Variants in PGR observed in about 807,000 individuals in gnomAD.
The protein encoded by PGR is nuclear receptor subfamily 3 group C member 3.
Under a neutral mutation model 76.1 loss-of-function variants are expected in PGR, and 25 were observed. The ratio of observed to expected loss-of-function variants is 0.33; its 90% CI spans 0.24 to 0.46. The LOEUF is 0.46. Ranked by LOEUF, PGR falls within the 20% of genes least tolerant of loss-of-function variation. PGR has a pLI of 1.00. For synonymous variants in PGR, 579 were observed against 535.0 expected (o/e 1.08, Z -1.14); for missense variants, 1,172 against 1,225.3 (o/e 0.96, Z 0.65).
At chr11:101,064,351 A>C (rs942704447) in intron 3 of PGR, among the ~76,000 whole-genome samples, 36 of 144,640 alleles carry the variant, frequency 2.5e-4, no homozygotes, top group East Asian at 1.6e-3. Flanking sequence ...AAAAAAAAAA[A>C]AAAAAAAAAA....
chr11:101,106,282 G>A (rs539409200), intron 2 of PGR, among the ~76,000 whole-genome samples: 11 of 152,240 alleles, frequency 7.2e-5, no homozygotes, highest in Non-Finnish European at 1.5e-4. Flanking sequence ...TCATCAGAGG[G>A]AACAGGCAAC....
intron 2 of PGR, among the ~76,000 whole-genome samples, chr11:101,104,947 A>G (rs1371112919): frequency 6.6e-6 from 1 of 152,134 alleles, no homozygotes; most frequent in Admixed American, 6.6e-5. Context: ...AAAGTTTGTT[A>G]TGTTTCAGGA....
In PGR at chr11:101,059,377, T is replaced by TA. The variant is rs921452683; in HGVS notation, c.2212+3069dup. 7.9e-5 allele frequency among the ~76,000 whole-genome samples: 12 copies of TA among 152,144 alleles called. No homozygotes were observed. In the East Asian group the frequency reaches 2.3e-3, roughly 29 times the overall value. On this transcript the variant is annotated intron_variant, in intron 4 of 7. Coordinates refer to ENST00000325455, the MANE Select transcript of PGR (RefSeq NM_000926.4). ...AATAGAGGGAATATGTCTTGTTCAT[T>TA]AAAAAAATTCAAATATCGTGTTGCT...
Position 101,032,558 on chromosome 11 carries a change from G to C in PGR, c.*6558C>G, listed in dbSNP as rs1859384790. 4.3e-6 allele frequency: 1 copy of C among 231,498 alleles called. No homozygotes were observed. The highest frequency in any genetic ancestry group is 8.5e-6 in the Non-Finnish European group (1 of 117,050). 14.3% of individuals were successfully genotyped at this position (231,498 alleles called of 1,614,324 possible). A position where few individuals can be genotyped will look rare whatever the true frequency, so the allele number is the denominator to read the frequency against. Reference sequence around the variant, plus strand: ...TTGTTTGGGATACTCTTCTCTCTTTGGAATCCCTCCTGTTTGGAATACTCT... The same window carrying C: ...TTGTTTGGGATACTCTTCTCTCTTTCGAATCCCTCCTGTTTGGAATACTCT... On this transcript the variant is annotated 3_prime_UTR_variant, in exon 8 of 8. Transcript: ENST00000325455.
rs1358798575 is a variant in PGR, at chr11:101,096,520, C to T, written c.1790-4644G>A. ...ATTGCCTCTGAACCATAATGCATGG[C>T]CAGGACTCAGAGCCACCAAGAATGC... On this transcript the variant is annotated intron_variant, in intron 2 of 7. Transcript: ENST00000325455. Among the ~76,000 whole-genome samples, 3 of 152,126 alleles carry T rather than the reference C, an allele frequency of 2.0e-5. No homozygotes were observed. In the East Asian group the frequency reaches 5.8e-4, roughly 29 times the overall value.
chr11:101,111,900 T>C (rs959061078), intron 2 of PGR, among the ~76,000 whole-genome samples: 20 of 152,082 alleles, frequency 1.3e-4, no homozygotes, highest in South Asian at 2.1e-4. Context: ...GAGGACCAAA[T>C]ACTCAGAATA....
intron 6 of PGR, among the ~76,000 whole-genome samples, chr11:101,045,448 C>G (rs1396270672): frequency 1.3e-5 from 2 of 152,024 alleles, no homozygotes; most frequent in South Asian, 2.1e-4. Flanking sequence ...TGTCTCACCC[C>G]CCTCCTACCT....
intron 2 of PGR, among the ~76,000 whole-genome samples, chr11:101,108,633 G>A (rs1315378214): frequency 6.6e-6 from 1 of 152,100 alleles, no homozygotes; most frequent in Non-Finnish European, 1.5e-5. Flanking sequence ...TTTAATTTTT[G>A]GAGTCTGCCA....
At chr11:101,078,149 A>AAGTT (rs1861184708) in intron 3 of PGR, among the ~76,000 whole-genome samples, 1 of 152,286 alleles carries the variant, frequency 6.6e-6, no homozygotes, top group East Asian at 1.9e-4. Flanking sequence ...CTAGCCCAGA[A>AAGTT]AGTTATTCTC....
chr11:101,085,563 A>G (rs889017202), intron 3 of PGR, among the ~76,000 whole-genome samples: 4 of 148,582 alleles, frequency 2.7e-5, no homozygotes, highest in African/African-American at 9.8e-5. Context: ...AGAACAAACT[A>G]TCCCTAAAGC....
At chr11:101,054,358 TC>T (rs1464210811) in intron 4 of PGR, among the ~76,000 whole-genome samples, 11 of 152,202 alleles carry the variant, frequency 7.2e-5, no homozygotes, top group Non-Finnish European at 7.3e-5. Flanking sequence ...GCAAGTTTTA[TC>T]ATTTTTTAAT....
chr11:101,048,853 A>G (rs1032114920), intron 6 of PGR, among the ~76,000 whole-genome samples: 4 of 152,040 alleles, frequency 2.6e-5, no homozygotes, highest in African/African-American at 9.7e-5. Context: ...CTAGTTTTTT[A>G]ACTTTTTGAC....
intron 3 of PGR, among the ~76,000 whole-genome samples, chr11:101,081,273 C>CA (rs771228789): frequency 1.5e-3 from 226 of 151,866 alleles, no homozygotes; most frequent in Non-Finnish European, 2.0e-3. Context: ...ACTAAAAATA[C>CA]AAAAAATTAG....
Position 101,088,188 on chromosome 11 carries a change from ACT to A in PGR, c.1906+3570_1906+3571del, listed in dbSNP as rs1191551091. Among the ~76,000 whole-genome samples the A allele has an allele frequency of 4.6e-5, 7 of 152,170 alleles. No individual in the cohort carries two copies. In the South Asian group the frequency reaches 6.2e-4, roughly 14 times the overall value. On this transcript the variant is annotated intron_variant, in intron 3 of 7. Coordinates refer to ENST00000325455, the MANE Select transcript of PGR (RefSeq NM_000926.4). ...ACTCCAGTCTGGGTGACAGAGTGAG[ACT>A]CTGTCTCAAAAAAGAAAACTCAAAA...
rs369578132 is a variant in PGR, at chr11:101,127,875, C to T, written c.1196G>A (p.Arg399His). The T allele has an allele frequency of 2.5e-6, 4 of 1,602,028 alleles. No individual in the cohort carries two copies. In the African/African-American group the frequency reaches 5.3e-5, roughly 21 times the overall value. Residue 399 changes from arginine (R) to histidine (H), a missense_variant, in exon 1 of 8, where the codon CGC becomes CAC. By Grantham distance (29) the Arg-to-His change is conservative. This residue lies in a region of PGR where 893 missense variants were observed against 785.9 expected (regional missense o/e 1.14). Coordinates refer to ENST00000325455, the MANE Select transcript of PGR (RefSeq NM_000926.4). ...GGCCACAAGGTAGGAACGCGGGGAG[C>T]GCGCGGAGGCCTCCGCGCCTTCCTC... ...EEEEGAEASA[R>H]SPRSYLVAGA...
At chr11:101,050,085 GA>G in intron 5 of PGR, 26 bp from the exon 6 acceptor site, 1 of 1,609,488 alleles carries the variant, frequency 6.2e-7, no homozygotes, top group Non-Finnish European at 8.5e-7. Flanking sequence ...ATACACAAAA[GA>G]AAAAGCAACA....
chr11:101,120,172 A>G (rs528558240), intron 2 of PGR, among the ~76,000 whole-genome samples: 1 of 152,238 alleles, frequency 6.6e-6, no homozygotes. Flanking sequence ...GTATCAAGGT[A>G]TTCTCATGTT....
intron 2 of PGR, among the ~76,000 whole-genome samples, chr11:101,099,710 T>C (rs2135468384): frequency 6.6e-6 from 1 of 152,190 alleles, no homozygotes; most frequent in Non-Finnish European, 1.5e-5. Context: ...CATTACAGGA[T>C]TACAGTTAGA....
chr11:101,046,649 C>T (rs1005824229), intron 6 of PGR, among the ~76,000 whole-genome samples: 1 of 151,860 alleles, frequency 6.6e-6, no homozygotes, highest in South Asian at 2.1e-4. Flanking sequence ...ATTTCTATTT[C>T]TTCTAGCTTG....
Sources: gnomAD v4.1 joint callset for allele counts (sites outside exome capture counted in the v4.1 genomes callset) on GRCh38, gnomAD v4.1.1 for gene constraint, gnomAD v4.1.1 regional missense constraint, MANE v1.5 for transcripts, NCBI Gene and HGNC (gene_info 2026-07-23, HGNC 2026-07-21) for gene names.